The following DMD variants were observed in gnomAD, a reference collection of about 807,000 sequenced individuals.
DMD encodes the protein mutant dystrophin.
DMD carries 63 observed loss-of-function variants against 330.1 expected under a neutral mutation model. That is an observed-to-expected ratio of 0.19 (90% CI 0.16 to 0.24). The LOEUF (loss-of-function observed/expected upper bound fraction) is 0.24, where lower values mean the gene tolerates loss of function less well. DMD is among the 10% of genes least tolerant of loss of function. DMD has a pLI of 1.00. For missense variants in DMD, 3,344 were observed against 2,684.1 expected, an observed-to-expected ratio of 1.25 and a Z score of -5.43; for synonymous variants, 1,223 against 959.8, an observed-to-expected ratio of 1.27 and a Z score of -5.07.
intron 44 of DMD, among the ~76,000 whole-genome samples, chrX:32,040,288 C>T (rs2095989552): frequency 9.0e-6 from 1 of 111,014 alleles, no homozygotes; most frequent in East Asian, 2.9e-4. Context: ...TTACAATCCC[C>T]ACTAGATTTT....
chrX:32,548,213 A>G (rs867255116), intron 16 of DMD, among the ~76,000 whole-genome samples: 3 of 111,593 alleles, frequency 2.7e-5, no homozygotes, highest in African/African-American at 9.7e-5. Flanking sequence ...TAGAAACTCC[A>G]TATTTAGGAA....
intron 1 of DMD, among the ~76,000 whole-genome samples, chrX:33,218,585 C>T (rs2052102318): frequency 9.0e-6 from 1 of 111,016 alleles, no homozygotes; most frequent in Non-Finnish European, 1.9e-5. Context: ...TATGATGCGT[C>T]TAAGCATGAG....
At chrX:32,165,751 T>C (rs186509427) in intron 44 of DMD, among the ~76,000 whole-genome samples, 2 of 111,753 alleles carry the variant, frequency 1.8e-5, no homozygotes, top group East Asian at 5.7e-4. Flanking sequence ...TCATCTTGAA[T>C]TGTAATCCTT....
chrX:31,293,203 T>TTGTGTGTGTGTG (rs2053867207), intron 62 of DMD, among the ~76,000 whole-genome samples: 1 of 45,878 alleles, frequency 2.2e-5, no homozygotes, highest in African/African-American at 1.5e-4. Flanking sequence ...TAGTCTGGTT[T>TTGTGTGTGTGTG]AGTGTGTGTG....
chrX:31,897,071 C>A (rs373041596), intron 47 of DMD, among the ~76,000 whole-genome samples: 17 of 110,212 alleles, frequency 1.5e-4, no homozygotes, highest in Non-Finnish European at 2.7e-4. Flanking sequence ...ATCCCTCCCC[C>A]CTTCCCCCAC....
chrX:31,702,587 T>C (rs2083890060), intron 52 of DMD, among the ~76,000 whole-genome samples: 1 of 111,762 alleles, frequency 8.9e-6, no homozygotes, highest in Non-Finnish European at 1.9e-5. Flanking sequence ...CCTAGATTGC[T>C]TTAGTTAAAA....
At chrX:32,910,322 CAT>C (rs1330447411) in intron 2 of DMD, among the ~76,000 whole-genome samples, 1 of 111,790 alleles carries the variant, frequency 8.9e-6, no homozygotes, top group African/African-American at 3.3e-5. Context: ...GTATGTCTAA[CAT>C]AATATTTTCT....
chrX:31,843,612 T>C (rs905215653), intron 48 of DMD, among the ~76,000 whole-genome samples: 2 of 111,731 alleles, frequency 1.8e-5, no homozygotes, highest in African/African-American at 6.5e-5. Context: ...GGATATTAGA[T>C]CTTTGTCTGA....
At chrX:32,258,803 AAAGTAT>A (rs1415662624) in intron 43 of DMD, among the ~76,000 whole-genome samples, 8 of 111,273 alleles carry the variant, frequency 7.2e-5, no homozygotes, top group African/African-American at 2.6e-4. Flanking sequence ...CCCAGAACTT[AAAGTAT>A]AATAATGAAA....
In DMD at chrX:32,252,711, T is replaced by TATAA. The variant is rs1230569522; in HGVS notation, c.6290+34814_6290+34817dup. On this transcript the variant is annotated intron_variant, in intron 43 of 78. Transcript: ENST00000357033. ...ATATATATATAAATATATATAAATATATAAATATATATAAATATATAAATA... is the reference window on the plus strand; with the variant it reads ...ATATATATATAAATATATATAAATATATAAATAAATATATATAAATATATAAATA... 1.7e-4 allele frequency among the ~76,000 whole-genome samples: 8 copies of TATAA among 47,914 alleles called. 1 individual carries two copies. The highest frequency in any genetic ancestry group is 7.0e-4 in the African/African-American group (8 of 11,447). The allele number at this position is 47,914 out of a possible 115,157, so 41.6% of individuals were successfully genotyped here.
intron 54 of DMD, among the ~76,000 whole-genome samples, chrX:31,643,965 TC>T (rs1050717152): frequency 4.5e-5 from 5 of 111,962 alleles, no homozygotes; most frequent in African/African-American, 1.6e-4. Flanking sequence ...CAAATATATG[TC>T]AGTATCAGTA....
At chrX:32,350,968 G>C (rs1252154342) in intron 37 of DMD, among the ~76,000 whole-genome samples, 1 of 110,597 alleles carries the variant, frequency 9.0e-6, no homozygotes, top group African/African-American at 3.3e-5. Flanking sequence ...TTGAATCTGG[G>C]CTCTACCATT....
At chrX:32,099,769 C>T (rs2096530700) in intron 44 of DMD, among the ~76,000 whole-genome samples, 2 of 102,797 alleles carry the variant, frequency 1.9e-5, no homozygotes, top group Non-Finnish European at 4.0e-5. Flanking sequence ...GGAGGGACAG[C>T]ATTAGGAGAT....
intron 9 of DMD, among the ~76,000 whole-genome samples, chrX:32,672,359 GAC>G (rs201227275): frequency 0.015 from 1,664 of 110,918 alleles, 32 homozygotes; most frequent in African/African-American, 0.04. Context: ...AATAAAATTA[GAC>G]ACACACACAC....
intron 1 of DMD, among the ~76,000 whole-genome samples, chrX:33,029,648 C>A (rs964179902): frequency 1.8e-5 from 2 of 112,140 alleles, no homozygotes; most frequent in African/African-American, 6.5e-5. Context: ...ATGGTGAGAA[C>A]CTAACATAAT....
Position 31,642,872 on chromosome X carries a change from T to A in DMD, c.8028-15010A>T, listed in dbSNP as rs189595934. Among the ~76,000 whole-genome samples the A allele has an allele frequency of 2.3e-3, 256 of 112,135 alleles. 1 individual carries two copies. The highest frequency in any genetic ancestry group is 3.2e-3 in the Non-Finnish European group (170 of 53,158). The stretch of plus-strand genomic sequence containing the variant: ...AATTGACACAGGATGGGACAGCACA[T>A]CTAGGAAAAATGGATGCCATTCAGA... On this transcript the variant is annotated intron_variant, in intron 54 of 78. Transcript: ENST00000357033.
At chrX:31,122,826 T>C (rs1001451470) in intron 78 of DMD, among the ~76,000 whole-genome samples, 3 of 111,792 alleles carry the variant, frequency 2.7e-5, no homozygotes, top group Non-Finnish European at 5.6e-5. Flanking sequence ...AACAGCACAA[T>C]GTCCCTGGGT....
chrX:32,248,674 T>C (rs1265592541), intron 43 of DMD, among the ~76,000 whole-genome samples: 1 of 110,291 alleles, frequency 9.1e-6, no homozygotes, highest in Non-Finnish European at 1.9e-5. Context: ...TGGTTCTCAA[T>C]AAAATTTGAG....
chrX:31,511,125 A>G (rs2071499085), intron 55 of DMD, among the ~76,000 whole-genome samples: 1 of 110,376 alleles, frequency 9.1e-6, no homozygotes, highest in Non-Finnish European at 1.9e-5. Flanking sequence ...GAAAGAACCC[A>G]AGGCTCTCTT....
Sources: allele counts gnomAD v4.1 joint callset (sites outside exome capture counted in the v4.1 genomes callset), GRCh38; gene constraint gnomAD v4.1.1; transcripts MANE v1.5; gene names NCBI Gene and HGNC (gene_info 2026-07-23, HGNC 2026-07-21).